RBM26: variants seen among roughly 807,000 people sequenced by gnomAD.
RBM26 encodes RNA-binding protein 26.
In RBM26, 30 loss-of-function variants were observed where a neutral mutation model predicts 123.6. The ratio of observed to expected loss-of-function variants is 0.24; its 90% confidence interval spans 0.18 to 0.33. The LOEUF (loss-of-function observed/expected upper bound fraction) is 0.33, where lower values mean the gene tolerates loss of function less well. Among genes scored for constraint, RBM26 ranks in the 10% least tolerant of loss-of-function variants. The pLI is 1.00. For synonymous variants in RBM26, 400 were observed against 404.4 expected, an observed-to-expected ratio of 0.99 and a Z score of 0.13; for missense variants, 947 against 1,203.6, an observed-to-expected ratio of 0.79 and a Z score of 3.15.
rs192020742 is a variant in RBM26, at chr13:79,405,679, A to G, written c.71+25T>C. ...GCCTATCTCCCACTGCCATCCCTGC[A>G]AAGAGATATCCCCCGGATACTCACA... On this transcript the variant is annotated intron_variant, in intron 1 of 21. Coordinates refer to ENST00000438737, the MANE Select transcript of RBM26 (RefSeq NM_001366735.2). 3.2e-5 allele frequency: 49 copies of G among 1,550,788 alleles called. No individual in the cohort carries two copies. The East Asian group carries it at 4.1e-4, about 13-fold the overall frequency.
rs544438287 is a variant in RBM26 at position 79,341,257 on chromosome 13, A to G, written c.2428-30T>C. ...AAAATAGTAATTAATATTTTAGGTG[A>G]CAGTAATTACTATCCTGTATTGATA... On this transcript the variant is annotated intron_variant, in intron 17 of 21. Transcript: ENST00000438737. 3.0e-6 allele frequency: 4 copies of G among 1,350,378 alleles called. No individual in the cohort carries two copies. The South Asian group carries it at 4.8e-5, about 16-fold the overall frequency. The allele number at this position is 1,350,378 out of a possible 1,614,324, so 83.6% of individuals were successfully genotyped here.
At chr13:79,356,703 TAA>T (rs1311845540) in intron 11 of RBM26, among the ~76,000 whole-genome samples, 1 of 152,158 alleles carries the variant, frequency 6.6e-6, no homozygotes, top group African/African-American at 2.4e-5. Flanking sequence ...AGCATGAAGC[TAA>T]AGAGTTTTGA....
chr13:79,328,439 C>T (rs759152174), intron 20 of RBM26, among the ~76,000 whole-genome samples: 10 of 149,330 alleles, frequency 6.7e-5, no homozygotes, highest in African/African-American at 9.8e-5. Flanking sequence ...ATAAGTTCCA[C>T]GTAAATTTTT....
At chr13:79,322,610 C>T in intron 20 of RBM26, 148 bp from the exon 21 acceptor site, 2 of 489,448 alleles carry the variant, frequency 4.1e-6, no homozygotes, top group East Asian at 3.5e-5. Context: ...ATTTACTATT[C>T]AATTTACTAT....
At chr13:79,332,760 T>C (rs2069644632) in intron 20 of RBM26, among the ~76,000 whole-genome samples, 1 of 152,136 alleles carries the variant, frequency 6.6e-6, no homozygotes, top group South Asian at 2.1e-4. Flanking sequence ...TGTTATTAAT[T>C]TTGAAAAATA....
At chr13:79,387,774 T>C (rs2077612409) in intron 1 of RBM26, among the ~76,000 whole-genome samples, 5 of 152,146 alleles carry the variant, frequency 3.3e-5, no homozygotes, top group Admixed American at 3.3e-4. Flanking sequence ...CAGAATCCCA[T>C]TTCCTCAGCA....
chr13:79,405,903 G>T lies in RBM26; in HGVS notation c.-129C>A. 2.4e-6 allele frequency: 1 copy of T among 409,246 alleles called. No individual in the cohort carries two copies. The allele number at this position is 409,246 out of a possible 1,614,324, so 25.4% of individuals were successfully genotyped here. On this transcript the variant is annotated 5_prime_UTR_variant, in exon 1 of 22. Coordinates refer to ENST00000438737, the MANE Select transcript of RBM26 (RefSeq NM_001366735.2). ...CCGCGGTGGGAGGCGCCGGTGGCAG[G>T]TTCCCGCGGGCCCCGGTCGGCGAAC...
chr13:79,399,455 T>C (rs1372117289), intron 1 of RBM26, among the ~76,000 whole-genome samples: 4 of 149,550 alleles, frequency 2.7e-5, no homozygotes, highest in South Asian at 2.1e-4. Flanking sequence ...AAAGAAACAA[T>C]AAAAAAAAAT....
rs933477641 is a variant in RBM26 at position 79,318,945 on chromosome 13, C to T, written c.*1676G>A. 3 of 974,822 alleles carry T rather than the reference C, an allele frequency of 3.1e-6. No homozygotes were observed. The highest frequency in any genetic ancestry group is 3.7e-6 in the Non-Finnish European group (3 of 820,516). The allele number at this position is 974,822 out of a possible 1,614,324, so 60.4% of individuals were successfully genotyped here. A position where few individuals can be genotyped will look rare whatever the true frequency, so the allele number is the denominator to read the frequency against. Reference sequence around the variant, plus strand: ...TAGCACATAGTCAACATACAAGAGACTACATAAAAATAGATCTTTGATTTA... The same window carrying T: ...TAGCACATAGTCAACATACAAGAGATTACATAAAAATAGATCTTTGATTTA... On this transcript the variant is annotated 3_prime_UTR_variant, in exon 22 of 22. Coordinates refer to ENST00000438737, the MANE Select transcript of RBM26 (RefSeq NM_001366735.2).
At chr13:79,372,516 A>G (rs2076003197) in intron 3 of RBM26, among the ~76,000 whole-genome samples, 1 of 151,326 alleles carries the variant, frequency 6.6e-6, no homozygotes, top group Non-Finnish European at 1.5e-5. Flanking sequence ...ATTTTAAGCA[A>G]GTATGCTCAT....
chr13:79,342,839 A>T lies in RBM26; in HGVS notation c.2260-8T>A. ...CAGTTTTGAAATTAACATCTGCCAA[A>T]TTTTTAAAAAGAGAAAAATAAAGCT... is the stretch of plus-strand genomic sequence containing the variant. On this transcript the variant is annotated splice_region_variant and splice_polypyrimidine_tract_variant and intron_variant, in intron 16 of 21. Transcript: ENST00000438737. The T allele has an allele frequency of 1.9e-6, 3 of 1,539,980 alleles. No homozygotes were observed. Among genetic ancestry groups the T allele is most frequent in the Non-Finnish European group, 2.7e-6 (3 of 1,130,804 alleles).
chr13:79,381,716 G>A (rs2077084675), intron 1 of RBM26, among the ~76,000 whole-genome samples: 1 of 151,916 alleles, frequency 6.6e-6, no homozygotes, highest in Admixed American at 6.6e-5. Flanking sequence ...AATTATTATG[G>A]TCTATAAACC....
At chr13:79,317,221 C>A (rs1226203548), downstream of RBM26, among the ~76,000 whole-genome samples, 2 of 151,648 alleles carry the variant, frequency 1.3e-5, no homozygotes, top group Non-Finnish European at 3.0e-5. Flanking sequence ...ACACTATACA[C>A]AAAACTGTAC....
intron 14 of RBM26, among the ~76,000 whole-genome samples, chr13:79,347,108 A>T (rs2072460163): frequency 6.6e-6 from 1 of 152,206 alleles, no homozygotes; most frequent in Non-Finnish European, 1.5e-5. Flanking sequence ...GTATCAGACT[A>T]AGGAGTGCTG....
intron 20 of RBM26, among the ~76,000 whole-genome samples, chr13:79,333,573 C>G (rs181632311): frequency 6.6e-6 from 1 of 152,316 alleles, no homozygotes; most frequent in East Asian, 1.9e-4. Flanking sequence ...ATTTGGAAAA[C>G]TATTTCATCC....
Position 79,320,698 on chromosome 13 carries a change from A to G in RBM26, c.2947T>C (p.Ser983Pro), listed in dbSNP as rs1194873415. The G allele has an allele frequency of 6.3e-7, 1 of 1,575,770 alleles. No individual in the cohort carries two copies. ...EPDEEEFQEESLVDDSLLQDD... is the reference protein window; with the variant it reads ...EPDEEEFQEEPLVDDSLLQDD... ...TGAAGTAATGAGTCATCCACCAAAG[A>G]CTCTTCCTGAAACTTTAGGTTAAAA... The change falls in exon 22 of 22, where the codon TCT becomes CCT. Residue 983 changes from serine to proline, a missense_variant. Ser to Pro is a moderately conservative substitution (Grantham distance 74). Transcript: ENST00000438737.
At chr13:79,361,076 T>A (rs73562592) in intron 9 of RBM26, among the ~76,000 whole-genome samples, 2,437 of 152,290 alleles carry the variant, frequency 0.016, 70 homozygotes, top group African/African-American at 0.055. Flanking sequence ...TTCTTTGTTC[T>A]CTCTGGAAAT....
intron 1 of RBM26, among the ~76,000 whole-genome samples, chr13:79,380,994 TA>T (rs2140261831): frequency 6.6e-6 from 1 of 152,216 alleles, no homozygotes; most frequent in South Asian, 2.1e-4. Flanking sequence ...AAGCTAAAAT[TA>T]TTAAGATTTT....
chr13:79,388,625 A>G (rs1475733697), intron 1 of RBM26, among the ~76,000 whole-genome samples: 2 of 152,160 alleles, frequency 1.3e-5, no homozygotes, highest in African/African-American at 4.8e-5. Context: ...TGTTCCTCCA[A>G]TTTGGCTGTT....
Sources: allele counts gnomAD v4.1 joint callset (sites outside exome capture counted in the v4.1 genomes callset), GRCh38; gene constraint gnomAD v4.1.1; transcripts MANE v1.5; gene names NCBI Gene and HGNC (gene_info 2026-07-23, HGNC 2026-07-21).